The following OTC variants were observed in gnomAD, a reference collection of about 807,000 sequenced individuals.
OTC encodes ornithine transcarbamylase, mitochondrial.
OTC carries 3 observed loss-of-function variants against 30.3 expected under a neutral mutation model. The ratio of observed to expected loss-of-function variants is 0.10; its 90% CI spans 0.05 to 0.26. OTC has a LOEUF of 0.26. OTC is among the 10% of genes least tolerant of loss of function. OTC has a pLI of 1.00. For missense variants in OTC, 194 were observed against 260.3 expected (o/e 0.75, Z 1.75); for synonymous variants, 111 against 99.7 (o/e 1.11, Z -0.67).
Position 38,421,162 on chromosome X carries a change from C to G in OTC, c.*80C>G. ...GTTTATGGGGAAAAGAGAAGAGAAT[C>G]TAAAAAATAAACAAATCCCTAACAC... On this transcript the variant is annotated 3_prime_UTR_variant, in exon 10 of 10. Transcript: ENST00000039007. 4.2e-6 allele frequency: 3 copies of G among 712,483 alleles called. No homozygotes were observed. The highest frequency in any genetic ancestry group is 6.7e-6 in the Non-Finnish European group (3 of 446,304). 58.7% of individuals were successfully genotyped at this position (712,483 alleles called of 1,213,427 possible).
In OTC at chrX:38,354,022, A is replaced by G. The variant is rs192200538; in HGVS notation, c.77+1249A>G. Among the ~76,000 whole-genome samples, 399 of 112,008 alleles carry G rather than the reference A, an allele frequency of 3.6e-3. 2 individuals carry two copies. Among genetic ancestry groups the G allele is most frequent in the Non-Finnish European group, 3.0e-3 (158 of 53,188 alleles). On this transcript the variant is annotated intron_variant, in intron 1 of 9. Transcript: ENST00000039007. ...GCCTAGCACCACCCTTGCTGGCTAT[A>G]TGACCTTGAACAAGTCACTAAACTT...
chrX:38,397,262 G>A (rs1164899995), intron 4 of OTC, among the ~76,000 whole-genome samples: 1 of 110,942 alleles, frequency 9.0e-6, no homozygotes, highest in Non-Finnish European at 1.9e-5. Context: ...TTCATTTCAT[G>A]ATCTTTATTA....
chrX:38,374,128 C>T (rs923480660), intron 3 of OTC, among the ~76,000 whole-genome samples: 2 of 111,360 alleles, frequency 1.8e-5, no homozygotes, highest in Admixed American at 1.9e-4. Flanking sequence ...CGCGCCACTG[C>T]TTCCAGCCTG....
chrX:38,395,170 A>G (rs1396012859), intron 4 of OTC, among the ~76,000 whole-genome samples: 1 of 110,440 alleles, frequency 9.1e-6, no homozygotes, highest in Non-Finnish European at 1.9e-5. Flanking sequence ...ACGGGGTTTC[A>G]CTATGTTGGC....
At chrX:38,386,384 A>T (rs201458686) in intron 4 of OTC, among the ~76,000 whole-genome samples, 2,993 of 83,566 alleles carry the variant, frequency 0.036, 69 homozygotes, top group African/African-American at 0.084. Context: ...AAAAAAAAAA[A>T]AAATATATAT....
At chrX:38,371,989 A>T (rs2068325101) in intron 3 of OTC, among the ~76,000 whole-genome samples, 1 of 111,902 alleles carries the variant, frequency 8.9e-6, no homozygotes, top group Admixed American at 9.5e-5. Flanking sequence ...ACTTAAGAGA[A>T]TTGTTCTTTT....
intron 4 of OTC, among the ~76,000 whole-genome samples, chrX:38,400,110 G>T (rs2068477895): frequency 9.0e-6 from 1 of 110,988 alleles, no homozygotes; most frequent in African/African-American, 3.3e-5. Context: ...ATTAAATTAA[G>T]GTAGTAACAT....
chrX:38,386,380 A>ATAT (rs1456448332), intron 4 of OTC, among the ~76,000 whole-genome samples: 10 of 76,488 alleles, frequency 1.3e-4, no homozygotes, highest in African/African-American at 8.7e-5. Context: ...CTCAAAAAAA[A>ATAT]AAAAAAATAT....
intron 4 of OTC, among the ~76,000 whole-genome samples, chrX:38,381,985 A>G (rs1247614599): frequency 8.9e-6 from 1 of 111,937 alleles, no homozygotes; most frequent in Non-Finnish European, 1.9e-5. Context: ...GTAAAAGGGA[A>G]GAACAGGTTA....
At chrX:38,408,126 C>T (rs1233061930) in intron 6 of OTC, among the ~76,000 whole-genome samples, 2 of 112,323 alleles carry the variant, frequency 1.8e-5, no homozygotes, top group Admixed American at 9.4e-5. Flanking sequence ...CAAACCATCC[C>T]GGACAAATAT....
chrX:38,331,635 T>G, the OTC span, among the ~76,000 whole-genome samples: 1 of 108,361 alleles, frequency 9.2e-6, no homozygotes, highest in Non-Finnish European at 1.9e-5. Flanking sequence ...CAGGCTGAAG[T>G]GCAGTGGCGC....
upstream of OTC, among the ~76,000 whole-genome samples, chrX:38,351,785 G>A (rs988641083): frequency 1.4e-4 from 15 of 111,084 alleles, no homozygotes; most frequent in Admixed American, 1.3e-3. Flanking sequence ...TTTTGAGACA[G>A]TGTCTCTCTC....
At chrX:38,399,052 C>T (rs1453210611) in intron 4 of OTC, among the ~76,000 whole-genome samples, 1 of 111,900 alleles carries the variant, frequency 8.9e-6, no homozygotes, top group Non-Finnish European at 1.9e-5. Context: ...TTGTGGGCTG[C>T]CATCTCAGAA....
intron 4 of OTC, among the ~76,000 whole-genome samples, chrX:38,386,070 G>A (rs1451388429): frequency 9.2e-6 from 1 of 108,591 alleles, no homozygotes; most frequent in East Asian, 2.9e-4. Context: ...CTGGGCAACA[G>A]AGCAAGGCTC....
chrX:38,362,225 A>G (rs1354256938), intron 1 of OTC, among the ~76,000 whole-genome samples: 3 of 111,941 alleles, frequency 2.7e-5, no homozygotes, highest in African/African-American at 6.5e-5. Flanking sequence ...CATAGTGCCT[A>G]TAGTTAACAA....
rs181701324 is a variant in OTC, at chrX:38,375,274, A to T, written c.298+5397A>T. On this transcript the variant is annotated intron_variant, in intron 3 of 9. Transcript: ENST00000039007. The stretch of plus-strand genomic sequence containing the variant: ...AAGGAGAAGAATGTGTCTGGAACTG[A>T]GGGAAAAACAAGTGCACCAATATTG... Among the ~76,000 whole-genome samples the T allele has an allele frequency of 5.5e-3, 613 of 112,209 alleles. 6 individuals carry two copies. Among genetic ancestry groups the T allele is most frequent in the Middle Eastern group, 0.018 (4 of 218 alleles).
chrX:38,385,860 C>T (rs745938427), intron 4 of OTC, among the ~76,000 whole-genome samples: 3 of 111,379 alleles, frequency 2.7e-5, no homozygotes, highest in Non-Finnish European at 3.8e-5. Flanking sequence ...TTTGAGAGGC[C>T]GAGGCAGACA....
At chrX:38,413,673 T>G (rs865957532) in intron 9 of OTC, among the ~76,000 whole-genome samples, 79 of 103,243 alleles carry the variant, frequency 7.7e-4, no homozygotes, top group African/African-American at 2.8e-3. Context: ...CTATTTTTTT[T>G]TTTTGTTTTT....
At chrX:38,369,065 A>T (rs1400977618) in intron 2 of OTC, among the ~76,000 whole-genome samples, 1 of 110,796 alleles carries the variant, frequency 9.0e-6, no homozygotes, top group Non-Finnish European at 1.9e-5. Flanking sequence ...TTCATCATTG[A>T]TCTAAGTGAA....
Sources: allele counts gnomAD v4.1 joint callset (sites outside exome capture counted in the v4.1 genomes callset), GRCh38; gene constraint gnomAD v4.1.1; transcripts MANE v1.5; gene names NCBI Gene and HGNC (gene_info 2026-07-23, HGNC 2026-07-21).